The following NOVA1 variants were observed in gnomAD, a reference collection of about 807,000 sequenced individuals.
The protein encoded by NOVA1 is RNA-binding protein Nova-1.
NOVA1 carries 7 observed loss-of-function variants against 38.0 expected under a neutral mutation model. The ratio of observed to expected loss-of-function variants is 0.18; its 90% CI spans 0.10 to 0.35. The LOEUF (loss-of-function observed/expected upper bound fraction) is 0.35, where lower values mean the gene tolerates loss of function less well. NOVA1 is among the 10% of genes least tolerant of loss of function. The probability of loss-of-function intolerance (pLI) is 1.00; values close to 1 mark genes in which losing one functional copy is unlikely to be tolerated. For synonymous variants in NOVA1, 270 were observed against 232.5 expected (o/e 1.16, Z -1.47); for missense variants, 460 against 616.0 (o/e 0.75, Z 2.68).
At chr14:26,449,549 T>C (rs1882444007) in intron 4 of NOVA1, among the ~76,000 whole-genome samples, 1 of 152,126 alleles carries the variant, frequency 6.6e-6, no homozygotes. Context: ...TCAGTAAAAT[T>C]ATTAGCATTT....
chr14:26,596,263 C>A (rs1276614717), intron 1 of NOVA1, among the ~76,000 whole-genome samples: 1 of 152,098 alleles, frequency 6.6e-6, no homozygotes, highest in Non-Finnish European at 1.5e-5. Flanking sequence ...TCTGCCAATA[C>A]TAAAAAGCTT....
intron 2 of NOVA1, among the ~76,000 whole-genome samples, chr14:26,559,646 C>T (rs917293210): frequency 1.3e-5 from 2 of 152,064 alleles, no homozygotes; most frequent in Admixed American, 1.3e-4. Flanking sequence ...ACAGAAAAAA[C>T]AAATATTGCA....
chr14:26,499,864 T>TA (rs1235653916), intron 2 of NOVA1, among the ~76,000 whole-genome samples: 1 of 152,114 alleles, frequency 6.6e-6, no homozygotes, highest in East Asian at 1.9e-4. Context: ...AGTCCAGACT[T>TA]AGAGTTCTTA....
chr14:26,483,631 AC>A (rs1348812863), intron 2 of NOVA1, among the ~76,000 whole-genome samples: 2 of 152,216 alleles, frequency 1.3e-5, no homozygotes, highest in East Asian at 3.9e-4. Context: ...GTAATAAAAA[AC>A]ACACAGAACC....
At chr14:26,551,621 G>C (rs922085413) in intron 2 of NOVA1, among the ~76,000 whole-genome samples, 1 of 151,954 alleles carries the variant, frequency 6.6e-6, no homozygotes, top group Non-Finnish European at 1.5e-5. Flanking sequence ...ACTTGGAATA[G>C]AGTCAGATAT....
intron 2 of NOVA1, among the ~76,000 whole-genome samples, chr14:26,563,023 G>A (rs769912432): frequency 8.5e-5 from 13 of 152,064 alleles, no homozygotes; most frequent in Non-Finnish European, 1.6e-4. Context: ...TATAGCTACC[G>A]TCATACAGAA....
chr14:26,470,632 G>A, intron 4 of NOVA1: 2 of 548,224 alleles, frequency 3.6e-6, no homozygotes, highest in Non-Finnish European at 6.6e-6. Flanking sequence ...ACTTTATCTA[G>A]AGGGTGAAAA....
intron 2 of NOVA1, chr14:26,594,274 A>C (rs1316479217): frequency 6.6e-6 from 1 of 151,960 alleles, no homozygotes; most frequent in African/African-American, 2.4e-5. Context: ...ACCATTCTAA[A>C]ACCTTCTTAT....
chr14:26,449,029 C>T, intron 4 of NOVA1, 66 bp from the exon 5 acceptor site: 3 of 1,405,160 alleles, frequency 2.1e-6, no homozygotes, highest in African/African-American at 1.4e-5. Context: ...TATTACTTTG[C>T]TATCCTAGAA....
intron 2 of NOVA1, among the ~76,000 whole-genome samples, chr14:26,540,519 A>T (rs73601941): frequency 2.0e-5 from 3 of 152,220 alleles, no homozygotes; most frequent in African/African-American, 7.2e-5. Context: ...AATGGAAACA[A>T]AAAGACAACT....
intron 2 of NOVA1, among the ~76,000 whole-genome samples, chr14:26,489,613 T>C (rs1056577706): frequency 1.3e-5 from 2 of 151,734 alleles, no homozygotes; most frequent in Admixed American, 6.6e-5. Context: ...CCAAGGCGAG[T>C]GGATGACCTG....
chr14:26,495,408 T>C (rs531682549), intron 2 of NOVA1, among the ~76,000 whole-genome samples: 2 of 152,320 alleles, frequency 1.3e-5, no homozygotes, highest in South Asian at 2.1e-4. Flanking sequence ...ATCCCCAGCC[T>C]ACTACTTAGC....
intron 2 of NOVA1, among the ~76,000 whole-genome samples, chr14:26,491,479 A>AT (rs1886344565): frequency 6.6e-6 from 1 of 152,140 alleles, no homozygotes; most frequent in Admixed American, 6.5e-5. Flanking sequence ...AGTCCAATTT[A>AT]TTTTTTGTTC....
chr14:26,554,480 A>T (rs1230077703), intron 2 of NOVA1, among the ~76,000 whole-genome samples: 1 of 151,872 alleles, frequency 6.6e-6, no homozygotes, highest in Non-Finnish European at 1.5e-5. Flanking sequence ...CTGAAAGAAG[A>T]GAAATTGAGT....
chr14:26,513,952 T>C (rs1208133335), intron 2 of NOVA1, among the ~76,000 whole-genome samples: 1 of 151,696 alleles, frequency 6.6e-6, no homozygotes, highest in African/African-American at 2.4e-5. Context: ...AAATAGTGTA[T>C]TATAATATTG....
intron 2 of NOVA1, among the ~76,000 whole-genome samples, chr14:26,518,118 G>A (rs1423404386): frequency 6.6e-6 from 1 of 151,878 alleles, no homozygotes; most frequent in Non-Finnish European, 1.5e-5. Flanking sequence ...AAATCATAGA[G>A]TTATTTTGTA....
intron 2 of NOVA1, among the ~76,000 whole-genome samples, chr14:26,520,071 A>T (rs1022263312): frequency 4.6e-5 from 7 of 152,220 alleles, no homozygotes; most frequent in African/African-American, 1.7e-4. Context: ...GGTTACATTT[A>T]AAAACACCTT....
chr14:26,502,856 C>T (rs1361551408), intron 2 of NOVA1, among the ~76,000 whole-genome samples: 1 of 151,902 alleles, frequency 6.6e-6, no homozygotes, highest in African/African-American at 2.4e-5. Context: ...ATGTTTTTTG[C>T]TACAGTTCTC....
intron 2 of NOVA1, among the ~76,000 whole-genome samples, chr14:26,573,103 G>C (rs1436378389): frequency 6.6e-6 from 1 of 151,978 alleles, no homozygotes; most frequent in African/African-American, 2.4e-5. Flanking sequence ...AGAAACAAAA[G>C]AAATCCATAA....
Sources: allele counts gnomAD v4.1 joint callset (sites outside exome capture counted in the v4.1 genomes callset), GRCh38; gene constraint gnomAD v4.1.1; transcripts MANE v1.5; gene names NCBI Gene and HGNC (gene_info 2026-07-23, HGNC 2026-07-21).